VSTM2B: variants seen among roughly 807,000 people sequenced by gnomAD.
The protein encoded by VSTM2B is V-set and transmembrane domain containing 2B.
VSTM2B carries 24 observed loss-of-function variants against 24.0 expected under a neutral mutation model. That is an observed-to-expected ratio of 1.00 (90% CI 0.72 to 1.40). The LOEUF is 1.40. VSTM2B is among the 40% of genes most tolerant of loss of function. VSTM2B has a pLI of 0.00. For missense variants in VSTM2B, 399 were observed against 416.4 expected, an observed-to-expected ratio of 0.96 and a Z score of 0.36; for synonymous variants, 226 against 194.4, an observed-to-expected ratio of 1.16 and a Z score of -1.35.
chr19:29,530,370 G>C lies in VSTM2B; in HGVS notation c.769+80G>C, dbSNP rs915541070. ...GCGCCGGGACGCCCCGGGGGGCTCC[G>C]GACCCAGGACCCGCCCCCTGGGCGC... On this transcript the variant is annotated intron_variant, in intron 4 of 4. Transcript: ENST00000335523. The C allele has an allele frequency of 5.5e-6, 7 of 1,264,508 alleles. No individual in the cohort carries two copies. The African/African-American group carries it at 1.1e-4, about 20-fold the overall frequency. The allele number at this position is 1,264,508 out of a possible 1,614,324, so 78.3% of individuals were successfully genotyped here.
At chr19:29,537,734 C>T (rs1241019510) in intron 4 of VSTM2B, among the ~76,000 whole-genome samples, 1 of 150,298 alleles carries the variant, frequency 6.7e-6, no homozygotes, top group Non-Finnish European at 1.5e-5. Context: ...CCCACCTACT[C>T]TCCCGCACCC....
At chr19:29,534,143 C>T (rs1022376038) in intron 4 of VSTM2B, among the ~76,000 whole-genome samples, 17 of 152,134 alleles carry the variant, frequency 1.1e-4, no homozygotes, top group Admixed American at 6.5e-4. Flanking sequence ...TGCAGGTCCC[C>T]GGGGCTGGCA....
intron 4 of VSTM2B, among the ~76,000 whole-genome samples, chr19:29,560,464 T>A (rs1273025536): frequency 1.3e-5 from 2 of 152,124 alleles, no homozygotes; most frequent in Non-Finnish European, 2.9e-5. Context: ...CACTGCACCA[T>A]CCCACTTCTC....
intron 4 of VSTM2B, among the ~76,000 whole-genome samples, chr19:29,536,688 A>AGAGC (rs1351446655): frequency 1.3e-5 from 2 of 152,176 alleles, no homozygotes; most frequent in Non-Finnish European, 2.9e-5. Context: ...GCTTATAGCC[A>AGAGC]GAGCCCACAC....
Position 29,527,353 on chromosome 19 carries a change from G to T in VSTM2B, c.225G>T (p.Leu75=), listed in dbSNP as rs1328929438. The T allele has an allele frequency of 6.5e-7, 1 of 1,546,688 alleles. No homozygotes were observed. The highest frequency in any genetic ancestry group is 2.0e-5 in the Admixed American group (1 of 50,848). ...WWYLKEPPRE[L]LHELALSVPG... ...ACCTCAAGGAGCCACCCCGGGAGCT[G>T]CTGCACGAGCTGGCGCTCAGCGTGC... The change falls in exon 2 of 5, where the codon CTG becomes CTT. Residue 75 remains leucine, a synonymous_variant. Coordinates refer to ENST00000335523, the MANE Select transcript of VSTM2B (RefSeq NM_001146339.2).
At chr19:29,534,111 A>G (rs1475933440) in intron 4 of VSTM2B, among the ~76,000 whole-genome samples, 4 of 152,202 alleles carry the variant, frequency 2.6e-5, no homozygotes, top group African/African-American at 9.6e-5. Context: ...GGACAGGGTT[A>G]GGGCAGCCAA....
chr19:29,529,845 C>G lies in VSTM2B; in HGVS notation c.324C>G (p.Ile108Met). 1 of 1,550,044 alleles carries G rather than the reference C, an allele frequency of 6.5e-7. No individual in the cohort carries two copies. The highest frequency in any genetic ancestry group is 8.7e-7 in the Non-Finnish European group (1 of 1,146,704). Reference protein sequence around the residue: ...ISTVRVQGNDISHRLRLSAVR... With the variant: ...ISTVRVQGNDMSHRLRLSAVR... ...CCGTACGCGTCCAGGGCAATGACAT[C>G]TCACACCGGCTTCGGCTGTCTGCCG... The change falls in exon 4 of 5, where the codon ATC becomes ATG. Residue 108 changes from isoleucine (I) to methionine (M), a missense_variant. Ile to Met is a conservative substitution (Grantham distance 10). Coordinates refer to ENST00000335523, the MANE Select transcript of VSTM2B (RefSeq NM_001146339.2).
intron 4 of VSTM2B, among the ~76,000 whole-genome samples, chr19:29,540,042 C>T (rs961559679): frequency 6.6e-6 from 1 of 152,262 alleles, no homozygotes; most frequent in African/African-American, 2.4e-5. Flanking sequence ...CAGGAAAGCC[C>T]AGCTGCAATG....
rs1970333914 is a variant in VSTM2B at position 29,553,514 on chromosome 19, A to G, written c.770-10332A>G. ...CACAAAGATGAGAATCAATGAAAGA[A>G]CACTGAAAACTCAGAACGCCAGAGT... On this transcript the variant is annotated intron_variant, in intron 4 of 4. Coordinates refer to ENST00000335523, the MANE Select transcript of VSTM2B (RefSeq NM_001146339.2). 2.0e-5 allele frequency among the ~76,000 whole-genome samples: 3 copies of G among 152,362 alleles called. No homozygotes were observed. The South Asian group carries it at 6.2e-4, about 32-fold the overall frequency.
chr19:29,532,251 A>G (rs1377611656), intron 4 of VSTM2B, among the ~76,000 whole-genome samples: 1 of 152,186 alleles, frequency 6.6e-6, no homozygotes, highest in African/African-American at 2.4e-5. Flanking sequence ...ACCCTCTTCC[A>G]TCGGCCAGAA....
At chr19:29,553,408 C>T (rs536365586) in intron 4 of VSTM2B, among the ~76,000 whole-genome samples, 1 of 152,332 alleles carries the variant, frequency 6.6e-6, no homozygotes, top group Admixed American at 6.5e-5. Context: ...AAAGCAACAA[C>T]AACAGCATCA....
intron 4 of VSTM2B, among the ~76,000 whole-genome samples, chr19:29,553,527 A>T (rs1970334219): frequency 6.6e-6 from 1 of 152,258 alleles, no homozygotes; most frequent in Non-Finnish European, 1.5e-5. Context: ...CTGAAAACTC[A>T]GAACGCCAGA....
Position 29,526,405 on chromosome 19 carries a change from G to T in VSTM2B, c.-179G>T, listed in dbSNP as rs370860132. 3.2e-5 allele frequency: 7 copies of T among 217,780 alleles called. No homozygotes were observed. The highest frequency in any genetic ancestry group is 1.4e-4 in the African/African-American group (6 of 42,538). The allele number at this position is 217,780 out of a possible 1,614,324, so 13.5% of individuals were successfully genotyped here. ...CAGCGCCCCCCGCCGGAGCCGCACC[G>T]GGCAAGCCGGCGAGGGAGCGGGGCT... On this transcript the variant is annotated 5_prime_UTR_variant, in exon 1 of 5. Coordinates refer to ENST00000335523, the MANE Select transcript of VSTM2B (RefSeq NM_001146339.2). The surrounding 1 kb of genome is among the most constrained non-coding windows in gnomAD (Gnocchi z 4.1).
chr19:29,558,663 G>A (rs1970466031), intron 4 of VSTM2B, among the ~76,000 whole-genome samples: 1 of 152,150 alleles, frequency 6.6e-6, no homozygotes, highest in African/African-American at 2.4e-5. Flanking sequence ...TGAACAATGA[G>A]AACACATGAA....
rs560119097 is a variant in VSTM2B at position 29,560,745 on chromosome 19, G to A, written c.770-3101G>A. Among the ~76,000 whole-genome samples the A allele has an allele frequency of 7.9e-5, 12 of 152,316 alleles. No individual in the cohort carries two copies. The South Asian group carries it at 2.5e-3, about 32-fold the overall frequency. ...GCAATTTAAAACCTTTTAAACATGAGTAGGTGAGGCTGTGATAGTGCCAAT... is the reference window on the plus strand; with the variant it reads ...GCAATTTAAAACCTTTTAAACATGAATAGGTGAGGCTGTGATAGTGCCAAT... On this transcript the variant is annotated intron_variant, in intron 4 of 4. Coordinates refer to ENST00000335523, the MANE Select transcript of VSTM2B (RefSeq NM_001146339.2).
At chr19:29,559,385 G>C (rs10408506) in intron 4 of VSTM2B, among the ~76,000 whole-genome samples, 13,536 of 152,158 alleles carry the variant, frequency 0.089, 1,265 homozygotes, top group African/African-American at 0.24. Context: ...ACCACATGTT[G>C]TCATTCATAA....
At chr19:29,529,335 G>A (rs917175939) in intron 3 of VSTM2B, among the ~76,000 whole-genome samples, 3 of 152,174 alleles carry the variant, frequency 2.0e-5, no homozygotes, top group Middle Eastern at 3.2e-3. Context: ...CTTAGGAAGC[G>A]ATTCGGGCAG....
At chr19:29,561,452 C>G (rs539813825) in intron 4 of VSTM2B, among the ~76,000 whole-genome samples, 1 of 151,948 alleles carries the variant, frequency 6.6e-6, no homozygotes, top group Non-Finnish European at 1.5e-5. Flanking sequence ...GGTGAAACCC[C>G]GTGTCTACTA....
chr19:29,548,230 A>AG (rs1382042657), intron 4 of VSTM2B, among the ~76,000 whole-genome samples: 1 of 152,066 alleles, frequency 6.6e-6, no homozygotes, highest in Non-Finnish European at 1.5e-5. Flanking sequence ...ATCATCACCA[A>AG]GGGATATGAC....
Sources: allele counts gnomAD v4.1 joint callset (sites outside exome capture counted in the v4.1 genomes callset), GRCh38; gene constraint gnomAD v4.1.1; non-coding constraint Gnocchi (gnomAD v3.1); transcripts MANE v1.5; gene names NCBI Gene and HGNC (gene_info 2026-07-23, HGNC 2026-07-21).